PRPF39: variants seen among roughly 807,000 people sequenced by gnomAD.
PRPF39 encodes the protein pre-mRNA processing factor 39.
A neutral mutation model predicts 82.1 loss-of-function variants in PRPF39; 27 were observed. That is an observed-to-expected ratio of 0.33 (90% CI 0.24 to 0.45). The LOEUF (loss-of-function observed/expected upper bound fraction) is 0.45, where lower values mean the gene tolerates loss of function less well. PRPF39 is among the 20% of genes least tolerant of loss of function. The pLI is 1.00. For synonymous variants in PRPF39, 261 were observed against 256.4 expected, an observed-to-expected ratio of 1.02 and a Z score of -0.17; for missense variants, 581 against 796.9, an observed-to-expected ratio of 0.73 and a Z score of 3.26.
At chr14:45,087,761 G>A (rs1004946180) in intron 1 of PRPF39, among the ~76,000 whole-genome samples, 3 of 63,296 alleles carry the variant, frequency 4.7e-5, no homozygotes, top group Admixed American at 1.6e-4. Flanking sequence ...TTTTTTTTTT[G>A]TATTTTTAGT....
At chr14:45,106,216 G>T (rs1035826704) in intron 5 of PRPF39, among the ~76,000 whole-genome samples, 2 of 152,056 alleles carry the variant, frequency 1.3e-5, no homozygotes, top group Non-Finnish European at 2.9e-5. Context: ...GGGCGTGGTG[G>T]TGCGCACCTG....
At chr14:45,107,005 A>T (rs1884553520) in intron 5 of PRPF39, among the ~76,000 whole-genome samples, 1 of 152,218 alleles carries the variant, frequency 6.6e-6, no homozygotes, top group African/African-American at 2.4e-5. Context: ...TTTACAAGTG[A>T]TCATTTAGAA....
chr14:45,114,091 C>T, intron 11 of PRPF39, 92 bp from the exon 12 acceptor site: 2 of 924,518 alleles, frequency 2.2e-6, no homozygotes, highest in Non-Finnish European at 3.2e-6. Context: ...TAGAAATTTT[C>T]TTAGGCAGTT....
In PRPF39 at chr14:45,116,207, A is replaced by G; in HGVS notation, c.*1294A>G. ...CTGAAGCACTGCTATTTCAATCAAT[A>G]TCCACTAATTCCACTTCAAAAGTGA... On this transcript the variant is annotated 3_prime_UTR_variant, in exon 14 of 14. Transcript: ENST00000355765. 6.2e-7 allele frequency: 1 copy of G among 1,610,658 alleles called. No homozygotes were observed. The highest frequency in any genetic ancestry group is 8.5e-7 in the Non-Finnish European group (1 of 1,176,982).
intron 5 of PRPF39, among the ~76,000 whole-genome samples, chr14:45,105,219 C>T (rs753101868): frequency 1.3e-5 from 2 of 151,984 alleles, no homozygotes; most frequent in Admixed American, 6.5e-5. Context: ...CATTTTGTCA[C>T]TGTTTTAAAG....
Position 45,096,914 on chromosome 14 carries a change from C to T in PRPF39, c.478C>T (p.Pro160Ser). 1 of 1,544,612 alleles carries T rather than the reference C, an allele frequency of 6.5e-7. No homozygotes were observed. The change falls in exon 4 of 14, where the codon CCT (proline) becomes TCT (serine). Residue 160 changes from proline (P) to serine (S), a missense_variant. Physicochemically the swap from Pro to Ser is moderately conservative, Grantham distance 74. Coordinates refer to ENST00000355765, the MANE Select transcript of PRPF39 (RefSeq NM_017922.4). ...EVYRRGLQAI[P>S]LSVDLWIHYI... is the part of the protein sequence containing the mutation. ...TTATCGGCGGGGGCTTCAGGCAATA[C>T]CTCTTAGTGTTGACCTTTGGATACA...
intron 1 of PRPF39, 98 bp from the exon 2 acceptor site, chr14:45,095,123 T>G: frequency 1.4e-6 from 1 of 705,670 alleles, no homozygotes; most frequent in Non-Finnish European, 2.4e-6. Flanking sequence ...TTAATATTTC[T>G]TTAATAGCTA....
intron 11 of PRPF39, among the ~76,000 whole-genome samples, chr14:45,113,533 ATG>A (rs1310962632): frequency 2.0e-5 from 3 of 152,200 alleles, no homozygotes; most frequent in Non-Finnish European, 2.9e-5. Context: ...TTAGTGTCTT[ATG>A]TTTACACTGA....
At chr14:45,090,397 T>C (rs1490072870) in intron 1 of PRPF39, among the ~76,000 whole-genome samples, 2 of 152,172 alleles carry the variant, frequency 1.3e-5, no homozygotes, top group Non-Finnish European at 2.9e-5. Context: ...TAATTTTTTC[T>C]CAAATTCTTT....
In PRPF39 at chr14:45,102,617, G is replaced by A; in HGVS notation, c.658G>A (p.Gly220Arg). 1 of 1,611,596 alleles carries A rather than the reference G, an allele frequency of 6.2e-7. No individual in the cohort carries two copies. The highest frequency in any genetic ancestry group is 8.5e-7 in the Non-Finnish European group (1 of 1,178,178). The change falls in exon 5 of 14, where the codon GGA becomes AGA. Residue 220 changes from glycine (G) to arginine (R), a missense_variant. Coordinates refer to ENST00000355765, the MANE Select transcript of PRPF39 (RefSeq NM_017922.4). ...GTATATAAACTGGGAAAATGAGCAG[G>A]GAAACCTGAGAGAAGTTACAGCTAT... The part of the protein sequence containing the change: ...EMYINWENEQ[G>R]NLREVTAIYD...
At chr14:45,097,117 A>T (rs1453792940) in intron 4 of PRPF39, 112 bp downstream of exon 4, 3 of 1,370,134 alleles carry the variant, frequency 2.2e-6, no homozygotes, top group Non-Finnish European at 2.9e-6. Flanking sequence ...TTCCATTGTT[A>T]AAAAAATGAT....
intron 4 of PRPF39, among the ~76,000 whole-genome samples, chr14:45,101,481 CAG>C (rs1171019339): frequency 6.6e-6 from 1 of 151,166 alleles, no homozygotes; most frequent in Non-Finnish European, 1.5e-5. Flanking sequence ...TCTTTGGAGA[CAG>C]AGTCTTGCTC....
intron 5 of PRPF39, among the ~76,000 whole-genome samples, chr14:45,105,815 C>T (rs1004617190): frequency 1.3e-5 from 2 of 151,998 alleles, no homozygotes; most frequent in East Asian, 1.9e-4. Context: ...CGTCAGCAGG[C>T]GCCTGACCTG....
intron 2 of PRPF39, 84 bp from the exon 3 acceptor site, chr14:45,096,019 T>C (rs1195100337): frequency 4.9e-6 from 6 of 1,229,680 alleles, no homozygotes; most frequent in Non-Finnish European, 6.7e-6. Context: ...ATTATTTTTT[T>C]AGATAATAAC....
At chr14:45,100,342 A>G (rs939221519) in intron 4 of PRPF39, among the ~76,000 whole-genome samples, 4 of 152,222 alleles carry the variant, frequency 2.6e-5, no homozygotes, top group African/African-American at 9.6e-5. Flanking sequence ...ACAGTAGTGT[A>G]ATCATGTGGC....
intron 4 of PRPF39, among the ~76,000 whole-genome samples, chr14:45,100,538 G>A (rs757375430): frequency 7.2e-5 from 11 of 152,138 alleles, no homozygotes; most frequent in Non-Finnish European, 1.0e-4. Flanking sequence ...TCTTCTAAAC[G>A]TTCTGTCTTC....
Position 45,114,964 on chromosome 14 carries a change from ATTTT to A in PRPF39, c.*56_*59del, listed in dbSNP as rs201624523. 4 of 1,395,150 alleles carry A rather than the reference ATTTT, an allele frequency of 2.9e-6. No homozygotes were observed. The South Asian group carries it at 3.5e-5, about 12-fold the overall frequency. 86.4% of individuals were successfully genotyped at this position (1,395,150 alleles called of 1,614,324 possible). ...AGTGTGTGAAAAGTATGAAATTATT[ATTTT>A]TTTTAATGAGGGATGTAAACAGTAT... On this transcript the variant is annotated 3_prime_UTR_variant, in exon 14 of 14. Coordinates refer to ENST00000355765, the MANE Select transcript of PRPF39 (RefSeq NM_017922.4).
chr14:45,086,846 G>GTTT (rs57666854), intron 1 of PRPF39, among the ~76,000 whole-genome samples: 20 of 118,446 alleles, frequency 1.7e-4, no homozygotes, highest in African/African-American at 3.6e-4. Context: ...GTGTTTCTCA[G>GTTT]TTTTTTTTTT....
chr14:45,085,610 T>G (rs1883799286), intron 1 of PRPF39, among the ~76,000 whole-genome samples: 1 of 152,214 alleles, frequency 6.6e-6, no homozygotes, highest in Non-Finnish European at 1.5e-5. Context: ...ATGTAGACGT[T>G]TATGTAAATA....
Sources: gnomAD v4.1 joint callset for allele counts (sites outside exome capture counted in the v4.1 genomes callset) on GRCh38, gnomAD v4.1.1 for gene constraint, MANE v1.5 for transcripts, NCBI Gene and HGNC (gene_info 2026-07-23, HGNC 2026-07-21) for gene names.